Variants in SCN4B observed in about 807,000 individuals in gnomAD.
SCN4B encodes sodium channel regulatory subunit beta-4.
Under a neutral mutation model 19.6 loss-of-function variants are expected in SCN4B, and 20 were observed. That is an observed-to-expected ratio of 1.02 (90% CI 0.72 to 1.48). The LOEUF is 1.48. Among genes scored for constraint, SCN4B ranks in the 40% most tolerant of loss-of-function variants. The pLI is 0.00. For synonymous variants in SCN4B, 127 were observed against 122.8 expected (o/e 1.03, Z -0.22); for missense variants, 271 against 287.5 (o/e 0.94, Z 0.42).
intron 3 of SCN4B, 125 bp from the exon 4 acceptor site, chr11:118,141,461 T>C (rs1211706261): frequency 1.2e-5 from 14 of 1,132,544 alleles, no homozygotes; most frequent in Admixed American, 1.2e-4. Context: ...GCACATCCAC[T>C]CCCAGACCCC....
chr11:118,135,872 C>G lies in SCN4B; in HGVS notation c.*1155G>C, dbSNP rs1476633473. On this transcript the variant is annotated 3_prime_UTR_variant, in exon 5 of 5. Transcript: ENST00000324727. The stretch of plus-strand genomic sequence containing the variant: ...CTGTGGGCACCCACTCCCTGCTCCT[C>G]CCCAACCCCAGGGTGGGAGGGGGTG... The G allele has an allele frequency of 2.2e-6, 1 of 454,420 alleles. No homozygotes were observed. The highest frequency in any genetic ancestry group is 4.4e-6 in the Non-Finnish European group (1 of 226,732). 28.1% of individuals were successfully genotyped at this position (454,420 alleles called of 1,614,324 possible). A position where few individuals can be genotyped will look rare whatever the true frequency, so the allele number is the denominator to read the frequency against.
chr11:118,148,372 G>A lies in SCN4B; in HGVS notation c.62-3143C>T, dbSNP rs375422325. 6.6e-6 allele frequency among the ~76,000 whole-genome samples: 1 copy of A among 152,192 alleles called. No individual in the cohort carries two copies. Among genetic ancestry groups the A allele is most frequent in the African/African-American group, 2.4e-5 (1 of 41,442 alleles). ...TCCTATGAGGCTGCTCTGGGGGAGA[G>A]GGGGGAACCAGGGGCAGGTGTTGGT... On this transcript the variant is annotated intron_variant, in intron 1 of 4. Transcript: ENST00000324727. This position sits in a 1 kb window ranked among gnomAD's most constrained non-coding sequence, Gnocchi z 4.0.
intron 3 of SCN4B, chr11:118,141,710 C>A: frequency 3.4e-6 from 1 of 293,352 alleles, no homozygotes; most frequent in Non-Finnish European, 6.5e-6. Flanking sequence ...TTTGCTCACA[C>A]AGAAAAAATT....
At chr11:118,147,610 C>G (rs2135507471) in intron 1 of SCN4B, among the ~76,000 whole-genome samples, 1 of 152,292 alleles carries the variant, frequency 6.6e-6, no homozygotes, top group East Asian at 1.9e-4. Flanking sequence ...GGTCTAGGGA[C>G]AGAAGCCAGA....
At position 118,134,357 on chromosome 11, in the gene SCN4B, A is replaced by G. The variant is rs1333159718; in HGVS notation, c.*2670T>C. 2.2e-6 allele frequency: 1 copy of G among 454,098 alleles called. No homozygotes were observed. Among genetic ancestry groups the G allele is most frequent in the Admixed American group, 2.3e-5 (1 of 42,578 alleles). 28.1% of individuals were successfully genotyped at this position (454,098 alleles called of 1,614,324 possible). ...CTCTCTCTAGCCCACAAGCCCTGGA[A>G]GCCACCATCAGAGATTTGCATGCAC... On this transcript the variant is annotated 3_prime_UTR_variant, in exon 5 of 5. Coordinates refer to ENST00000324727, the MANE Select transcript of SCN4B (RefSeq NM_174934.4).
Position 118,134,413 on chromosome 11 carries a change from C to T in SCN4B, c.*2614G>A. The T allele has an allele frequency of 2.2e-6, 1 of 454,106 alleles. No homozygotes were observed. The highest frequency in any genetic ancestry group is 4.4e-6 in the Non-Finnish European group (1 of 226,798). The allele number at this position is 454,106 out of a possible 1,614,324, so 28.1% of individuals were successfully genotyped here. ...TTCCACTTGGGGAAGATAGCTTTGC[C>T]CATATACATCCTAGTGCAAATCCAT... On this transcript the variant is annotated 3_prime_UTR_variant, in exon 5 of 5. Transcript: ENST00000324727.
At chr11:118,147,528 C>G (rs1199801497) in intron 1 of SCN4B, among the ~76,000 whole-genome samples, 1 of 152,184 alleles carries the variant, frequency 6.6e-6, no homozygotes. Context: ...ACACTGCTAT[C>G]AGGGCTTAGC....
chr11:118,146,312 C>G (rs535919042), intron 1 of SCN4B, among the ~76,000 whole-genome samples: 1 of 152,002 alleles, frequency 6.6e-6, no homozygotes, highest in East Asian at 1.9e-4. Flanking sequence ...CCCCGCCCCA[C>G]ACACACACCC....
At chr11:118,152,538 A>G in intron 1 of SCN4B, 75 bp downstream of exon 1, 1 of 1,296,890 alleles carries the variant, frequency 7.7e-7, no homozygotes, top group South Asian at 1.2e-5. Context: ...CATCCAAGGC[A>G]TCTTCCTTCT....
At chr11:118,140,705 C>T (rs1268002532) in intron 4 of SCN4B, among the ~76,000 whole-genome samples, 1 of 152,218 alleles carries the variant, frequency 6.6e-6, no homozygotes, top group Non-Finnish European at 1.5e-5. Flanking sequence ...CTAGGGCTCC[C>T]TGGGAGGCCA....
At chr11:118,151,882 C>T (rs759158222) in intron 1 of SCN4B, among the ~76,000 whole-genome samples, 1 of 152,224 alleles carries the variant, frequency 6.6e-6, no homozygotes, top group Admixed American at 6.5e-5. Context: ...ATTAATAATG[C>T]TTCTTCCTCC....
chr11:118,152,620 C>T lies in SCN4B; in HGVS notation c.54G>A (p.Gly18=), dbSNP rs773600468. The T allele has an allele frequency of 2.5e-6, 4 of 1,612,628 alleles. No individual in the cohort carries two copies. Among genetic ancestry groups the T allele is most frequent in the Non-Finnish European group, 3.4e-6 (4 of 1,179,244 alleles). Residue 18 remains glycine, a synonymous_variant, in exon 1 of 5, where the codon GGG becomes GGA. Transcript: ENST00000324727. ...AAGCTGGGGCTGCCTTACCCAAAAG[C>T]CCAGTGCCCAGCCATCTCGCCGGGG... The part of the protein sequence containing the change: ...GKAPARWLGT[G]LLGLFLLPVT...
intron 4 of SCN4B, 67 bp downstream of exon 4, chr11:118,141,140 C>T: frequency 6.2e-7 from 1 of 1,600,070 alleles, no homozygotes; most frequent in Non-Finnish European, 8.5e-7. Context: ...AGGCTGAAAG[C>T]TGGTGGGGGT....
rs1342926532 is a variant in SCN4B at position 118,148,434 on chromosome 11, A to G, written c.62-3205T>C. 6.6e-6 allele frequency among the ~76,000 whole-genome samples: 1 copy of G among 152,222 alleles called. No individual in the cohort carries two copies. Among genetic ancestry groups the G allele is most frequent in the Non-Finnish European group, 1.5e-5 (1 of 68,034 alleles). On this transcript the variant is annotated intron_variant, in intron 1 of 4. Coordinates refer to ENST00000324727, the MANE Select transcript of SCN4B (RefSeq NM_174934.4). The surrounding 1 kb of genome is among the most constrained non-coding windows in gnomAD (Gnocchi z 4.0). The stretch of plus-strand genomic sequence containing the variant: ...GCCGGAGGGCTGCTTCAGGATGACC[A>G]AGTCCAGAGAGGACTGGTGAGCATG...
chr11:118,151,201 T>C (rs1348914215), intron 1 of SCN4B, among the ~76,000 whole-genome samples: 1 of 151,972 alleles, frequency 6.6e-6, no homozygotes, highest in Non-Finnish European at 1.5e-5. Flanking sequence ...GTTCTATGAG[T>C]ATTCTAACAA....
chr11:118,138,098 C>T (rs1948043970), intron 4 of SCN4B, among the ~76,000 whole-genome samples: 1 of 151,940 alleles, frequency 6.6e-6, no homozygotes, highest in Non-Finnish European at 1.5e-5. Context: ...TGTCCCTCCT[C>T]CACAGCAGCG....
intron 1 of SCN4B, among the ~76,000 whole-genome samples, chr11:118,150,493 G>T (rs1207709072): frequency 6.6e-6 from 1 of 152,050 alleles, no homozygotes; most frequent in Non-Finnish European, 1.5e-5. Context: ...TTATTCTTCA[G>T]CCCTAAGCAC....
At position 118,145,237 on chromosome 11, in the gene SCN4B, A is replaced by G. The variant is rs1476497099; in HGVS notation, c.62-8T>C. On this transcript the variant is annotated splice_polypyrimidine_tract_variant and splice_region_variant and intron_variant, in intron 1 of 4. Transcript: ENST00000324727. ...CGGGGAGCAGGAAGAGGCCTGTGTAAGGAGCACCGCCTCCCTTAATAAAAC... is the reference window on the plus strand; with the variant it reads ...CGGGGAGCAGGAAGAGGCCTGTGTAGGGAGCACCGCCTCCCTTAATAAAAC... 1 of 1,613,924 alleles carries G rather than the reference A, an allele frequency of 6.2e-7. No homozygotes were observed. The highest frequency in any genetic ancestry group is 1.7e-5 in the Admixed American group (1 of 60,018).
intron 2 of SCN4B, among the ~76,000 whole-genome samples, chr11:118,144,668 C>G (rs954325399): frequency 2.0e-5 from 3 of 152,166 alleles, no homozygotes; most frequent in African/African-American, 7.2e-5. Flanking sequence ...CTCTCTTTTC[C>G]CTGCCAGTCC....
Sources: gnomAD v4.1 joint callset for allele counts (sites outside exome capture counted in the v4.1 genomes callset) on GRCh38, gnomAD v4.1.1 for gene constraint, Gnocchi (gnomAD v3.1) non-coding constraint, MANE v1.5 for transcripts, NCBI Gene and HGNC (gene_info 2026-07-23, HGNC 2026-07-21) for gene names.